Variants in HS6ST3 observed in about 807,000 individuals in gnomAD.
HS6ST3 encodes heparan-sulfate 6-O-sulfotransferase 3.
In HS6ST3, 12 loss-of-function variants were observed where a neutral mutation model predicts 36.7. The ratio of observed to expected loss-of-function variants is 0.33; its 90% CI spans 0.21 to 0.53. The LOEUF is 0.53. Ranked by LOEUF, HS6ST3 falls within the 20% of genes least tolerant of loss-of-function variation. The pLI, the probability that HS6ST3 is intolerant of heterozygous loss-of-function variation, is 0.95. For missense variants in HS6ST3, 584 were observed against 640.9 expected, an observed-to-expected ratio of 0.91 and a Z score of 0.96; for synonymous variants, 240 against 257.5, an observed-to-expected ratio of 0.93 and a Z score of 0.65.
chr13:96,191,589 G>A (rs1262652246), intron 1 of HS6ST3, among the ~76,000 whole-genome samples: 1 of 152,126 alleles, frequency 6.6e-6, no homozygotes, highest in East Asian at 1.9e-4. Flanking sequence ...TGCACTTACT[G>A]CCTCTCGTGT....
chr13:96,764,839 C>T (rs368478542), intron 1 of HS6ST3, among the ~76,000 whole-genome samples: 1 of 152,050 alleles, frequency 6.6e-6, no homozygotes, highest in African/African-American at 2.4e-5. Context: ...ATCACTTTCC[C>T]CTTGGAATGC....
chr13:96,573,843 C>A, intron 1 of HS6ST3: 1 of 429,496 alleles, frequency 2.3e-6, no homozygotes. Flanking sequence ...TGGAAGTGCT[C>A]CCATCACACG....
At chr13:96,621,799 C>T (rs190027601) in intron 1 of HS6ST3, among the ~76,000 whole-genome samples, 4 of 152,228 alleles carry the variant, frequency 2.6e-5, no homozygotes, top group African/African-American at 9.6e-5. Context: ...CCGAGATCAC[C>T]AGAAATGAAT....
intron 1 of HS6ST3, among the ~76,000 whole-genome samples, chr13:96,767,730 G>T (rs1047940535): frequency 6.6e-6 from 1 of 152,132 alleles, no homozygotes; most frequent in Non-Finnish European, 1.5e-5. Context: ...ATTAGACTGG[G>T]GACTGAAGAA....
chr13:96,641,787 C>T (rs2056571126), intron 1 of HS6ST3, among the ~76,000 whole-genome samples: 1 of 151,682 alleles, frequency 6.6e-6, no homozygotes, highest in Admixed American at 6.6e-5. Context: ...TCCTATATAG[C>T]TTATTTCTTT....
At chr13:96,411,641 GA>G (rs1432795658) in intron 1 of HS6ST3, among the ~76,000 whole-genome samples, 1 of 152,184 alleles carries the variant, frequency 6.6e-6, no homozygotes, top group African/African-American at 2.4e-5. Context: ...TTGTGTTTTA[GA>G]AAGACCATTC....
chr13:96,225,964 T>TA (rs2054478268), intron 1 of HS6ST3, among the ~76,000 whole-genome samples: 1 of 152,150 alleles, frequency 6.6e-6, no homozygotes, highest in African/African-American at 2.4e-5. Flanking sequence ...GTCTTGCCAA[T>TA]GACTCACTGA....
At chr13:96,677,785 A>G (rs2056703956) in intron 1 of HS6ST3, among the ~76,000 whole-genome samples, 1 of 152,166 alleles carries the variant, frequency 6.6e-6, no homozygotes, top group Admixed American at 6.5e-5. Context: ...TAGAATTTGC[A>G]TCATCCTAGA....
At position 96,194,436 on chromosome 13, in the gene HS6ST3, A is replaced by AT. The variant is rs377606236; in HGVS notation, c.707+102876dup. On this transcript the variant is annotated intron_variant, in intron 1 of 1. Coordinates refer to ENST00000376705, the MANE Select transcript of HS6ST3 (RefSeq NM_153456.4). ...ACTTATCTTGGTACCCAGAAAATTC[A>AT]TTTTTTTTTAATTAAAAAAATTATT... is the stretch of plus-strand genomic sequence containing the variant. 4.8e-4 allele frequency among the ~76,000 whole-genome samples: 72 copies of AT among 151,284 alleles called. No individual in the cohort carries two copies. The South Asian group carries it at 0.011, about 22-fold the overall frequency.
chr13:96,155,032 T>C (rs2054103909), intron 1 of HS6ST3, among the ~76,000 whole-genome samples: 1 of 152,148 alleles, frequency 6.6e-6, no homozygotes, highest in Non-Finnish European at 1.5e-5. Flanking sequence ...GCAGTATTAA[T>C]GCTCAGCACT....
chr13:96,547,188 T>C (rs1438104697), intron 1 of HS6ST3, among the ~76,000 whole-genome samples: 3 of 152,186 alleles, frequency 2.0e-5, no homozygotes, highest in African/African-American at 7.2e-5. Flanking sequence ...CAATAAATAT[T>C]ACCTAAAGAA....
At position 96,449,016 on chromosome 13, in the gene HS6ST3, C is replaced by T. The variant is rs570025323; in HGVS notation, c.707+357447C>T. The stretch of plus-strand genomic sequence containing the variant: ...CTCAGTTTGTGGCCCACGATGAGTG[C>T]ACTGGTGTGATCATAGCTCACTGCT... On this transcript the variant is annotated intron_variant, in intron 1 of 1. Transcript: ENST00000376705. 4.6e-5 allele frequency among the ~76,000 whole-genome samples: 7 copies of T among 152,218 alleles called. No homozygotes were observed. In the South Asian group the frequency reaches 1.2e-3, roughly 27 times the overall value.
At chr13:96,418,194 A>C (rs1266118648) in intron 1 of HS6ST3, among the ~76,000 whole-genome samples, 1 of 152,186 alleles carries the variant, frequency 6.6e-6, no homozygotes, top group Non-Finnish European at 1.5e-5. Flanking sequence ...ATAGACCATG[A>C]AAAAAACACT....
At chr13:96,447,324 A>G (rs1566363886) in intron 1 of HS6ST3, among the ~76,000 whole-genome samples, 2 of 152,116 alleles carry the variant, frequency 1.3e-5, no homozygotes, top group Admixed American at 6.6e-5. Context: ...AGCTCCCAGA[A>G]GACCTGCACT....
At chr13:96,811,954 G>T (rs1004335587) in intron 1 of HS6ST3, among the ~76,000 whole-genome samples, 24 of 152,184 alleles carry the variant, frequency 1.6e-4, no homozygotes, top group African/African-American at 5.5e-4. Context: ...TGAGGCAGGG[G>T]TGGTAACGTT....
intron 1 of HS6ST3, among the ~76,000 whole-genome samples, chr13:96,173,058 A>C (rs914047566): frequency 3.3e-5 from 5 of 152,230 alleles, no homozygotes; most frequent in Non-Finnish European, 7.3e-5. Flanking sequence ...TTCTCAAGAA[A>C]TGTACAATCT....
At chr13:96,593,097 T>A (rs1259422999) in intron 1 of HS6ST3, among the ~76,000 whole-genome samples, 2 of 151,598 alleles carry the variant, frequency 1.3e-5, no homozygotes, top group African/African-American at 4.8e-5. Flanking sequence ...GGACATTTTC[T>A]AAATTTTGTA....
intron 1 of HS6ST3, among the ~76,000 whole-genome samples, chr13:96,533,771 G>A (rs1196546740): frequency 1.3e-5 from 2 of 152,186 alleles, no homozygotes; most frequent in Admixed American, 6.5e-5. Context: ...CATTTGATCC[G>A]GCCTTGAGGT....
intron 1 of HS6ST3, among the ~76,000 whole-genome samples, chr13:96,124,243 C>T (rs971229835): frequency 1.3e-5 from 2 of 152,090 alleles, no homozygotes; most frequent in East Asian, 3.9e-4. Flanking sequence ...CCAGGAATAG[C>T]GATGCTAGGT....
Sources: allele counts gnomAD v4.1 joint callset (sites outside exome capture counted in the v4.1 genomes callset), GRCh38; gene constraint gnomAD v4.1.1; transcripts MANE v1.5; gene names NCBI Gene and HGNC (gene_info 2026-07-23, HGNC 2026-07-21).